Variants in WDR7 observed in about 807,000 individuals in gnomAD.
WDR7 encodes WD repeat-containing protein 7.
WDR7 carries 46 observed loss-of-function variants against 169.4 expected under a neutral mutation model. The observed-to-expected ratio is 0.27, with a 90% CI of 0.21 to 0.35. WDR7 has a LOEUF of 0.35. Ranked by LOEUF, WDR7 falls within the 10% of genes least tolerant of loss-of-function variation. WDR7 has a pLI of 1.00. For synonymous variants in WDR7, 612 were observed against 666.8 expected (o/e 0.92, Z 1.27); for missense variants, 1,534 against 1,859.3 (o/e 0.83, Z 3.22).
chr18:56,700,566 T>G (rs1282353289), intron 12 of WDR7, among the ~76,000 whole-genome samples: 2 of 1,032 alleles, frequency 1.9e-3, no homozygotes, highest in African/African-American at 2.4e-3. Context: ...ATATTGTTTC[T>G]TTTTTTTTTT....
At chr18:56,750,606 C>T (rs866636243) in intron 14 of WDR7, among the ~76,000 whole-genome samples, 12 of 152,144 alleles carry the variant, frequency 7.9e-5, no homozygotes, top group Admixed American at 2.6e-4. Flanking sequence ...AAGGTAGCAG[C>T]GGAAACATAC....
At chr18:56,766,975 G>T (rs1031842997) in intron 16 of WDR7, among the ~76,000 whole-genome samples, 1 of 152,154 alleles carries the variant, frequency 6.6e-6, no homozygotes, top group African/African-American at 2.4e-5. Flanking sequence ...GCCTGTTTGG[G>T]TGCTGGACAC....
chr18:56,938,512 C>T (rs2046989438), intron 23 of WDR7, 21 bp from the exon 24 acceptor site: 2 of 1,611,596 alleles, frequency 1.2e-6, no homozygotes, highest in African/African-American at 2.7e-5. Flanking sequence ...ATCATATCTA[C>T]AGCATAGAAA....
At chr18:56,988,228 T>C (rs1267280696) in intron 26 of WDR7, among the ~76,000 whole-genome samples, 1 of 152,220 alleles carries the variant, frequency 6.6e-6, no homozygotes, top group Non-Finnish European at 1.5e-5. Context: ...CATGAGATAA[T>C]GACACCCCAA....
intron 20 of WDR7, among the ~76,000 whole-genome samples, chr18:56,867,706 G>A (rs1186691952): frequency 1.3e-5 from 2 of 152,184 alleles, no homozygotes; most frequent in Non-Finnish European, 2.9e-5. Flanking sequence ...TATTTCAGGA[G>A]TAGTAGCATT....
chr18:56,993,710 C>T (rs573660432), intron 26 of WDR7, among the ~76,000 whole-genome samples: 17 of 151,944 alleles, frequency 1.1e-4, no homozygotes, highest in Non-Finnish European at 2.2e-4. Context: ...TGGTGGGATG[C>T]GGGAGGGAGA....
chr18:56,726,616 C>T (rs1166558893), intron 13 of WDR7, among the ~76,000 whole-genome samples: 1 of 152,114 alleles, frequency 6.6e-6, no homozygotes, highest in East Asian at 1.9e-4. Flanking sequence ...AATTTGACTT[C>T]CTCTTTTCCT....
At chr18:56,846,441 T>C (rs1402151852) in intron 20 of WDR7, among the ~76,000 whole-genome samples, 1 of 152,006 alleles carries the variant, frequency 6.6e-6, no homozygotes, top group African/African-American at 2.4e-5. Context: ...TTATCAGGGG[T>C]TCCCACTTTT....
At chr18:56,847,916 A>G (rs1321320416) in intron 20 of WDR7, among the ~76,000 whole-genome samples, 1 of 152,256 alleles carries the variant, frequency 6.6e-6, no homozygotes, top group Non-Finnish European at 1.5e-5. Flanking sequence ...GAAGCCTGCC[A>G]CGGGGCACAG....
intron 20 of WDR7, among the ~76,000 whole-genome samples, chr18:56,830,592 A>G (rs74781168): frequency 0.014 from 2,115 of 152,328 alleles, 29 homozygotes; most frequent in East Asian, 0.035. Flanking sequence ...GCGCTGCACT[A>G]TACATCTTCG....
chr18:56,775,670 A>T (rs1482776010), intron 16 of WDR7, among the ~76,000 whole-genome samples: 1 of 152,140 alleles, frequency 6.6e-6, no homozygotes, highest in Non-Finnish European at 1.5e-5. Flanking sequence ...TTATGGAGTT[A>T]GAGTTGCTTT....
chr18:56,955,677 A>G (rs1010951398), intron 25 of WDR7, among the ~76,000 whole-genome samples: 5 of 151,996 alleles, frequency 3.3e-5, no homozygotes, highest in African/African-American at 9.7e-5. Context: ...GATGATGATG[A>G]TGATGATGAT....
chr18:56,753,773 G>A (rs989580849), intron 14 of WDR7, among the ~76,000 whole-genome samples: 3 of 151,948 alleles, frequency 2.0e-5, no homozygotes, highest in Admixed American at 6.6e-5. Flanking sequence ...ATAAGTAAAC[G>A]TATTTATATG....
At chr18:56,968,987 T>C (rs73958724) in intron 26 of WDR7, among the ~76,000 whole-genome samples, 1,665 of 152,256 alleles carry the variant, frequency 0.011, 20 homozygotes, top group African/African-American at 0.032. Context: ...ATCCACACAT[T>C]ATTATTGATA....
chr18:56,933,082 C>T (rs142047839), intron 22 of WDR7, among the ~76,000 whole-genome samples: 12 of 152,186 alleles, frequency 7.9e-5, no homozygotes, highest in African/African-American at 2.9e-4. Context: ...CTGGACTTCT[C>T]TGGATTCTAG....
At chr18:56,775,952 C>T (rs145552255) in intron 16 of WDR7, among the ~76,000 whole-genome samples, 20 of 152,238 alleles carry the variant, frequency 1.3e-4, no homozygotes, top group East Asian at 9.6e-4. Flanking sequence ...ATGGTAATTT[C>T]GCCATAGGAA....
At chr18:56,792,712 G>C (rs1667845225) in intron 19 of WDR7, among the ~76,000 whole-genome samples, 1 of 145,294 alleles carries the variant, frequency 6.9e-6, no homozygotes, top group Non-Finnish European at 1.5e-5. Context: ...ATTGAAAACT[G>C]CTTAATTATC....
At chr18:56,656,535 C>T (rs1312852634) in intron 1 of WDR7, among the ~76,000 whole-genome samples, 1 of 151,746 alleles carries the variant, frequency 6.6e-6, no homozygotes, top group Non-Finnish European at 1.5e-5. Context: ...CCGCCTCAGC[C>T]TCCCAAAGTG....
chr18:56,659,847 C>A (rs550092696), intron 1 of WDR7, among the ~76,000 whole-genome samples: 4 of 151,996 alleles, frequency 2.6e-5, no homozygotes, highest in African/African-American at 9.7e-5. Flanking sequence ...GAGATGTGAT[C>A]ACAGCATGAT....
Sources: gnomAD v4.1 joint callset for allele counts (sites outside exome capture counted in the v4.1 genomes callset) on GRCh38, gnomAD v4.1.1 for gene constraint, MANE v1.5 for transcripts, NCBI Gene and HGNC (gene_info 2026-07-23, HGNC 2026-07-21) for gene names.